The following LRBA variants were observed in gnomAD, a reference collection of about 807,000 sequenced individuals.
The protein encoded by LRBA is lipopolysaccharide-responsive and beige-like anchor protein.
In LRBA, 176 loss-of-function variants were observed where a neutral mutation model predicts 330.0. That is an observed-to-expected ratio of 0.53 (90% CI 0.47 to 0.60). The LOEUF (loss-of-function observed/expected upper bound fraction) is 0.60. Among genes scored for constraint, LRBA ranks in the 20% least tolerant of loss-of-function variants. LRBA has a pLI of 0.00. For synonymous variants in LRBA, 1,230 were observed against 1,193.0 expected (o/e 1.03, Z -0.64); for missense variants, 3,259 against 3,444.8 (o/e 0.95, Z 1.35).
At chr4:150,752,464 T>C (rs1009125369) in intron 35 of LRBA, among the ~76,000 whole-genome samples, 32 of 152,014 alleles carry the variant, frequency 2.1e-4, no homozygotes, top group African/African-American at 7.7e-4. Context: ...TGTTGGTAAC[T>C]GAAAAAATTA....
chr4:150,283,116 C>G (rs913080389), intron 54 of LRBA, among the ~76,000 whole-genome samples: 3 of 152,222 alleles, frequency 2.0e-5, no homozygotes, highest in African/African-American at 7.2e-5. Flanking sequence ...CAATCAGCCT[C>G]TGAGTGCCTT....
intron 2 of LRBA, among the ~76,000 whole-genome samples, chr4:150,961,297 G>T (rs1452272966): frequency 6.7e-6 from 1 of 149,112 alleles, no homozygotes; most frequent in African/African-American, 2.6e-5. Flanking sequence ...AAAAGAGAAT[G>T]TCCTTAAAAA....
At chr4:150,324,281 A>G (rs925686350) in intron 49 of LRBA, among the ~76,000 whole-genome samples, 8 of 152,182 alleles carry the variant, frequency 5.3e-5, no homozygotes, top group Non-Finnish European at 8.8e-5. Context: ...ATGGCAAGCT[A>G]TTACTAAAGC....
chr4:150,371,182 ATTTTTTTTTTT>A lies in LRBA; in HGVS notation c.7195-21034_7195-21024del, dbSNP rs70937395. 5.5e-3 allele frequency among the ~76,000 whole-genome samples: 504 copies of A among 91,950 alleles called. 1 individual carries two copies. The highest frequency in any genetic ancestry group is 0.015 in the African/African-American group (309 of 20,840). The allele number at this position is 91,950 out of a possible 152,430, so 60.3% of individuals were successfully genotyped here. ...AAAAGCATGAGCTGCAAGCTACTAA[ATTTTTTTTTTT>A]TTTTTTTTTTTTTTTTGGAGACAGA... On this transcript the variant is annotated intron_variant, in intron 47 of 56. Coordinates refer to ENST00000651943, the MANE Select transcript of LRBA (RefSeq NM_001364905.1).
intron 49 of LRBA, among the ~76,000 whole-genome samples, chr4:150,323,153 T>C (rs1245503900): frequency 6.6e-6 from 1 of 152,084 alleles, no homozygotes; most frequent in African/African-American, 2.4e-5. Flanking sequence ...TATATAGTTT[T>C]TAAGGAATTC....
In LRBA at chr4:150,713,629, A is replaced by G. The variant is rs528622334; in HGVS notation, c.5754+21629T>C. On this transcript the variant is annotated intron_variant, in intron 36 of 56. Transcript: ENST00000651943. ...CAATATTTGTCTAATAAGTGAAGTA[A>G]ATTTTTATGCAAGCCCAAGAATGTA... Among the ~76,000 whole-genome samples, 4 of 152,226 alleles carry G rather than the reference A, an allele frequency of 2.6e-5. No individual in the cohort carries two copies. The East Asian group carries it at 7.7e-4, about 29-fold the overall frequency.
At chr4:150,991,317 T>C (rs1027952616) in intron 2 of LRBA, among the ~76,000 whole-genome samples, 1 of 152,084 alleles carries the variant, frequency 6.6e-6, no homozygotes, top group Admixed American at 6.5e-5. Flanking sequence ...AAGTTAAACA[T>C]ACATTTACCA....
At chr4:150,525,802 T>G (rs138093303) in intron 40 of LRBA, among the ~76,000 whole-genome samples, 13 of 152,298 alleles carry the variant, frequency 8.5e-5, no homozygotes, top group African/African-American at 2.4e-4. Flanking sequence ...TATATTATGC[T>G]AGGTTGTAGG....
chr4:150,956,218 G>T lies in LRBA; in HGVS notation c.217-27153C>A, dbSNP rs550028730. 4.4e-4 allele frequency among the ~76,000 whole-genome samples: 66 copies of T among 148,818 alleles called. 8 individuals carry two copies. The highest frequency in any genetic ancestry group is 1.7e-3 in the African/African-American group (64 of 38,348). On this transcript the variant is annotated intron_variant, in intron 2 of 56. Coordinates refer to ENST00000651943, the MANE Select transcript of LRBA (RefSeq NM_001364905.1). ...ATTACTACCAACCTTACATAAATGAGATTATAAAGACACACTATGAACAAT... is the reference window on the plus strand; with the variant it reads ...ATTACTACCAACCTTACATAAATGATATTATAAAGACACACTATGAACAAT...
chr4:150,569,174 G>GA (rs918627905), intron 40 of LRBA, among the ~76,000 whole-genome samples: 8 of 151,878 alleles, frequency 5.3e-5, no homozygotes, highest in Non-Finnish European at 8.8e-5. Context: ...TCTGCTTGGA[G>GA]AAAAAAATAC....
rs1172038921 is a variant in LRBA, at chr4:150,658,880, G to A, written c.5921+24671C>T. Among the ~76,000 whole-genome samples the A allele has an allele frequency of 6.9e-5, 2 of 28,964 alleles. 1 individual carries two copies. Among genetic ancestry groups the A allele is most frequent in the African/African-American group, 9.4e-5 (2 of 21,294 alleles). 19.0% of individuals were successfully genotyped at this position (28,964 alleles called of 152,430 possible). On this transcript the variant is annotated intron_variant, in intron 37 of 56. Coordinates refer to ENST00000651943, the MANE Select transcript of LRBA (RefSeq NM_001364905.1). ...CTCCTGCCTCAGTCTGCCGAGCGCC[G>A]CCACGCCTGACTGGTTTTGGTGGAG...
chr4:150,896,867 G>C (rs1406782148), intron 15 of LRBA, among the ~76,000 whole-genome samples: 3 of 151,742 alleles, frequency 2.0e-5, no homozygotes, highest in Non-Finnish European at 4.4e-5. Context: ...AAAATGTCAA[G>C]TACCTAAAAA....
chr4:150,865,900 G>C (rs1327110217), intron 22 of LRBA, among the ~76,000 whole-genome samples: 1 of 151,980 alleles, frequency 6.6e-6, no homozygotes, highest in East Asian at 1.9e-4. Flanking sequence ...ATTTTTAGTA[G>C]AGATGGCGTT....
intron 37 of LRBA, among the ~76,000 whole-genome samples, chr4:150,669,458 T>C (rs758013295): frequency 3.3e-5 from 5 of 152,222 alleles, no homozygotes; most frequent in Non-Finnish European, 5.9e-5. Context: ...TCTTAGTCTC[T>C]TCAAATCTGG....
intron 35 of LRBA, among the ~76,000 whole-genome samples, chr4:150,758,642 T>C (rs922002399): frequency 6.7e-6 from 1 of 149,570 alleles, no homozygotes; most frequent in East Asian, 2.0e-4. Flanking sequence ...GGTGTGAGCA[T>C]AGCTCACTGC....
At chr4:150,723,145 T>C (rs1729158127) in intron 36 of LRBA, among the ~76,000 whole-genome samples, 1 of 152,124 alleles carries the variant, frequency 6.6e-6, no homozygotes, top group Non-Finnish European at 1.5e-5. Flanking sequence ...CGGCAATTTC[T>C]AGGCTCCTCC....
In LRBA at chr4:150,540,234, T is replaced by C. The variant is rs770385497; in HGVS notation, c.6330+47814A>G. 3.9e-5 allele frequency among the ~76,000 whole-genome samples: 6 copies of C among 152,364 alleles called. No individual in the cohort carries two copies. The East Asian group carries it at 7.7e-4, about 20-fold the overall frequency. On this transcript the variant is annotated intron_variant, in intron 40 of 56. Transcript: ENST00000651943. ...GTTTTTATGGGTGTTGTTGTTGTTG[T>C]TGGGAGACGGAGTCTCACTCTGTCA...
At chr4:150,755,124 T>C (rs371627309) in intron 35 of LRBA, among the ~76,000 whole-genome samples, 8 of 152,112 alleles carry the variant, frequency 5.3e-5, no homozygotes, top group Admixed American at 5.2e-4. Flanking sequence ...CCACCAACAT[T>C]ATTAGTAATC....
intron 40 of LRBA, among the ~76,000 whole-genome samples, chr4:150,491,518 G>T (rs945128444): frequency 3.9e-5 from 6 of 151,996 alleles, no homozygotes; most frequent in Non-Finnish European, 8.8e-5. Context: ...TTTAAAAAAT[G>T]ACACTTTTAA....
Sources: allele counts gnomAD v4.1 joint callset (sites outside exome capture counted in the v4.1 genomes callset), GRCh38; gene constraint gnomAD v4.1.1; transcripts MANE v1.5; gene names NCBI Gene and HGNC (gene_info 2026-07-23, HGNC 2026-07-21).